CHLSN: variants seen among roughly 807,000 people sequenced by gnomAD.
The protein encoded by CHLSN is protein cholesin.
chr7:1,095,006 C>G, the CHLSN span, among the ~76,000 whole-genome samples: 27 of 151,854 alleles, frequency 1.8e-4, no homozygotes, highest in African/African-American at 6.3e-4. Context: ...GTGGAGATTG[C>G]TGTGGGGTGG....
the CHLSN span, among the ~76,000 whole-genome samples, chr7:1,101,437 G>C: frequency 5.9e-5 from 9 of 152,236 alleles, no homozygotes; most frequent in African/African-American, 2.2e-4. Context: ...ACCAGGGGCT[G>C]GCTCTGTAGA....
chr7:1,043,800 G>C, the CHLSN span: 3 of 152,308 alleles, frequency 2.0e-5, no homozygotes, highest in African/African-American at 4.8e-5. Flanking sequence ...CGGAGGGCCA[G>C]TGGCCGCTAT....
At chr7:978,241 G>C in the CHLSN span, among the ~76,000 whole-genome samples, 1 of 152,216 alleles carries the variant, frequency 6.6e-6, no homozygotes, top group African/African-American at 2.4e-5. Context: ...GAAGGGGCTG[G>C]GGGCGGTGGC....
At chr7:1,050,240 A>C in the CHLSN span, among the ~76,000 whole-genome samples, 1 of 152,184 alleles carries the variant, frequency 6.6e-6, no homozygotes, top group Non-Finnish European at 1.5e-5. Flanking sequence ...ACAGTGGCCC[A>C]AAGTCACAGG....
chr7:1,080,500 G>A, the CHLSN span, among the ~76,000 whole-genome samples: 3 of 152,214 alleles, frequency 2.0e-5, 1 homozygote, highest in Admixed American at 1.3e-4. Context: ...GGAGCAGAGT[G>A]CAGCCGCACG....
At chr7:1,034,202 T>TA in the CHLSN span, among the ~76,000 whole-genome samples, 1 of 152,210 alleles carries the variant, frequency 6.6e-6, no homozygotes, top group Non-Finnish European at 1.5e-5. Context: ...TGCTTAGCTG[T>TA]AAATTTAACA....
At chr7:984,435 G>A in the CHLSN span, 3 of 1,548,862 alleles carry the variant, frequency 1.9e-6, no homozygotes. Context: ...ACGGGCCGGT[G>A]TTCACCGTGC....
the CHLSN span, among the ~76,000 whole-genome samples, chr7:1,041,031 C>A: frequency 6.6e-6 from 1 of 152,246 alleles, no homozygotes; most frequent in South Asian, 2.1e-4. Flanking sequence ...ATCCTGGGCA[C>A]CTCCCACGTT....
the CHLSN span, among the ~76,000 whole-genome samples, chr7:1,075,076 C>T: frequency 6.6e-6 from 1 of 152,198 alleles, no homozygotes; most frequent in Non-Finnish European, 1.5e-5. Context: ...AGGGGCCCTG[C>T]AGCATCCCAG....
the CHLSN span, chr7:986,767 C>T: frequency 1.4e-4 from 217 of 1,595,398 alleles, no homozygotes; most frequent in Non-Finnish European, 1.8e-4. Context: ...CCGTGTGCAG[C>T]TATGTGGACG....
the CHLSN span, chr7:1,093,132 G>A: frequency 1.6e-6 from 1 of 628,664 alleles, no homozygotes; most frequent in South Asian, 1.5e-5. Flanking sequence ...CTGTCACCCA[G>A]CTCCTCCCCG....
At chr7:1,019,850 C>A in the CHLSN span, among the ~76,000 whole-genome samples, 1 of 152,258 alleles carries the variant, frequency 6.6e-6, no homozygotes, top group Non-Finnish European at 1.5e-5. Flanking sequence ...CACTCCTGCC[C>A]TCCCAGGAAG....
the CHLSN span, among the ~76,000 whole-genome samples, chr7:1,051,145 G>A: frequency 1.9e-4 from 29 of 152,238 alleles, no homozygotes; most frequent in African/African-American, 6.3e-4. Context: ...TACAAGCAGC[G>A]TGTGGGCAGA....
At chr7:1,013,289 T>G in the CHLSN span, among the ~76,000 whole-genome samples, 3 of 152,220 alleles carry the variant, frequency 2.0e-5, no homozygotes, top group Admixed American at 6.5e-5. Context: ...AGCAAATACT[T>G]TTAACAAACT....
chr7:1,007,025 G>A, the CHLSN span, among the ~76,000 whole-genome samples: 1 of 152,210 alleles, frequency 6.6e-6, no homozygotes, highest in East Asian at 1.9e-4. Context: ...TTCTAGGGAC[G>A]GGGCATGAAG....
chr7:1,071,355 G>A, the CHLSN span, among the ~76,000 whole-genome samples: 1 of 152,226 alleles, frequency 6.6e-6, no homozygotes, highest in East Asian at 1.9e-4. Context: ...ACCGGAAGGT[G>A]CTGTGGCCCC....
the CHLSN span, among the ~76,000 whole-genome samples, chr7:983,555 A>G: frequency 0.62 from 94,762 of 152,120 alleles, 31,400 homozygotes; most frequent in African/African-American, 0.86. Context: ...GGGGAAAGCC[A>G]CCCCGTCCCA....
the CHLSN span, chr7:984,291 C>T: frequency 7.4e-7 from 1 of 1,342,916 alleles, no homozygotes; most frequent in Non-Finnish European, 9.9e-7. Flanking sequence ...GGCGTGCCCC[C>T]TCCACCTGCC....
chr7:980,275 A>G, the CHLSN span, among the ~76,000 whole-genome samples: 1 of 142,260 alleles, frequency 7.0e-6, no homozygotes, highest in East Asian at 2.5e-4. Context: ...TGAGCCAGCC[A>G]ATCACAGCAC....
Sources: allele counts gnomAD v4.1 joint callset (sites outside exome capture counted in the v4.1 genomes callset), GRCh38; gene constraint gnomAD v4.1.1; transcripts MANE v1.5; gene names NCBI Gene and HGNC (gene_info 2026-07-23, HGNC 2026-07-21).